CRTC3: variants seen among roughly 807,000 people sequenced by gnomAD.
CRTC3 encodes the protein CREB-regulated transcription coactivator 3.
Under a neutral mutation model 74.5 loss-of-function variants are expected in CRTC3, and 26 were observed. The ratio of observed to expected loss-of-function variants is 0.35; its 90% CI spans 0.26 to 0.48. The LOEUF is 0.48. Ranked by LOEUF, CRTC3 falls within the 20% of genes least tolerant of loss-of-function variation. The pLI is 0.99. For synonymous variants in CRTC3, 377 were observed against 325.8 expected (o/e 1.16, Z -1.69); for missense variants, 760 against 787.3 (o/e 0.97, Z 0.41).
Position 90,643,879 on chromosome 15 carries a change from G to C in CRTC3, c.*1739G>C, listed in dbSNP as rs1252463386. 4.3e-6 allele frequency: 1 copy of C among 232,564 alleles called. No homozygotes were observed. Among genetic ancestry groups the C allele is most frequent in the Non-Finnish European group, 8.5e-6 (1 of 117,736 alleles). The allele number at this position is 232,564 out of a possible 1,614,324, so 14.4% of individuals were successfully genotyped here. On this transcript the variant is annotated 3_prime_UTR_variant, in exon 15 of 15. Transcript: ENST00000268184. ...GGTTGCTGGACTGTTCCACCCAGAG[G>C]AGCAAGGCTGTACAATGAGGGTCTG...
At position 90,579,634 on chromosome 15, in the gene CRTC3, CTTTTTT is replaced by C. The variant is rs146273285; in HGVS notation, c.232-13982_232-13977del. On this transcript the variant is annotated intron_variant, in intron 2 of 14. Transcript: ENST00000268184. ...GATTACATGGAGTAAACGTATTTCACTTTTTTTTTTTTTTTTTTTTTTTTTGAGACA... is the reference window on the plus strand; with the variant it reads ...GATTACATGGAGTAAACGTATTTCACTTTTTTTTTTTTTTTTTTTGAGACA... Among the ~76,000 whole-genome samples, 358 of 84,208 alleles carry C rather than the reference CTTTTTT, an allele frequency of 4.3e-3. 3 individuals carry two copies. In the East Asian group the frequency reaches 0.059, roughly 14 times the overall value. The allele number at this position is 84,208 out of a possible 152,430, so 55.2% of individuals were successfully genotyped here.
chr15:90,558,221 G>C lies in CRTC3; in HGVS notation c.231+18084G>C, dbSNP rs185014007. 3.3e-5 allele frequency among the ~76,000 whole-genome samples: 5 copies of C among 152,160 alleles called. No homozygotes were observed. In the East Asian group the frequency reaches 9.7e-4, roughly 29 times the overall value. On this transcript the variant is annotated intron_variant, in intron 2 of 14. Transcript: ENST00000268184. ...AATGTATCTAGAATCTGACTACCCT[G>C]GTCGGACCCGTTATCATTTTGTCCC... is the stretch of plus-strand genomic sequence containing the variant.
intron 2 of CRTC3, among the ~76,000 whole-genome samples, chr15:90,579,453 C>T (rs938977622): frequency 5.3e-5 from 8 of 151,984 alleles, no homozygotes; most frequent in African/African-American, 1.9e-4. Flanking sequence ...ACCGAGTGGG[C>T]TCTAAGGCTG....
At position 90,642,324 on chromosome 15, in the gene CRTC3, T is replaced by G. The variant is rs1224720444; in HGVS notation, c.*184T>G. On this transcript the variant is annotated 3_prime_UTR_variant, in exon 15 of 15. Coordinates refer to ENST00000268184, the MANE Select transcript of CRTC3 (RefSeq NM_022769.5). ...TGGCTTCCTCCAGATCACACAGCTT[T>G]GTACTGCCTCTCCCGCCTGTGGCCA... is the stretch of plus-strand genomic sequence containing the variant. 40 of 602,194 alleles carry G rather than the reference T, an allele frequency of 6.6e-5. No individual in the cohort carries two copies. In the East Asian group the frequency reaches 1.1e-3, roughly 16 times the overall value. 37.3% of individuals were successfully genotyped at this position (602,194 alleles called of 1,614,324 possible). A position where few individuals can be genotyped will look rare whatever the true frequency, so the allele number is the denominator to read the frequency against.
intron 5 of CRTC3, among the ~76,000 whole-genome samples, chr15:90,607,040 T>G (rs1206113903): frequency 7.5e-5 from 1 of 13,296 alleles, no homozygotes; most frequent in African/African-American, 2.4e-4. Flanking sequence ...AGCCACAGGC[T>G]AAACTGGCCA....
In CRTC3 at chr15:90,638,601, A is replaced by G. The variant is rs548542658; in HGVS notation, c.1422A>G (p.Ala474=). 1.2e-6 allele frequency: 2 copies of G among 1,613,248 alleles called. No individual in the cohort carries two copies. The highest frequency in any genetic ancestry group is 8.5e-7 in the Non-Finnish European group (1 of 1,180,006). ...APEAPAQQPQ[A]ASSLPQSDFQ... ...AGGCCCCTGCCCAGCAGCCCCAGGC[A>G]GCCTCCTCACTGCCACAGTCAGACT... The change falls in exon 12 of 15, where the codon GCA becomes GCG. Residue 474 remains alanine, a synonymous_variant. Transcript: ENST00000268184.
intron 2 of CRTC3, among the ~76,000 whole-genome samples, chr15:90,574,475 T>TCAAAACAAAACAAAA (rs199729294): frequency 1.3e-5 from 2 of 152,082 alleles, no homozygotes; most frequent in East Asian, 3.9e-4. Flanking sequence ...AGACTCTGTC[T>TCAAAACAAAACAAAA]CAAAACAAAA....
chr15:90,586,555 G>A (rs184791718), intron 2 of CRTC3, among the ~76,000 whole-genome samples: 32 of 151,748 alleles, frequency 2.1e-4, no homozygotes, highest in Admixed American at 1.4e-3. Flanking sequence ...TAGTAGAGAC[G>A]GGGTTTCTGT....
rs1175467073 is a variant in CRTC3, at chr15:90,630,756, A to ATTTTTTTTTTTTTTTTTTTTTTTT, written c.1266+1233_1266+1256dup. 8.5e-5 allele frequency among the ~76,000 whole-genome samples: 2 copies of ATTTTTTTTTTTTTTTTTTTTTTTT among 23,654 alleles called. 1 individual carries two copies. The highest frequency in any genetic ancestry group is 7.3e-4 in the Admixed American group (2 of 2,754). 15.5% of individuals were successfully genotyped at this position (23,654 alleles called of 152,430 possible). ...CACATCCTCTGTCTATTACAGCATC[A>ATTTTTTTTTTTTTTTTTTTTTTTT]TTTTTTTTTTTTTTTTTTTTTTTTT... On this transcript the variant is annotated intron_variant, in intron 11 of 14. Coordinates refer to ENST00000268184, the MANE Select transcript of CRTC3 (RefSeq NM_022769.5).
intron 2 of CRTC3, among the ~76,000 whole-genome samples, chr15:90,548,099 G>C (rs1371973384): frequency 1.3e-5 from 2 of 151,926 alleles, no homozygotes; most frequent in Non-Finnish European, 2.9e-5. Flanking sequence ...ATGTTGCCCA[G>C]GCTGGTCTCG....
At chr15:90,563,293 C>G (rs944270280) in intron 2 of CRTC3, among the ~76,000 whole-genome samples, 20 of 152,010 alleles carry the variant, frequency 1.3e-4, no homozygotes, top group Non-Finnish European at 1.6e-4. Context: ...GTAATCCCAG[C>G]TACTCGGGAG....
chr15:90,587,959 A>G (rs1967705928), intron 2 of CRTC3, among the ~76,000 whole-genome samples: 2 of 151,142 alleles, frequency 1.3e-5, no homozygotes, highest in Admixed American at 6.6e-5. Context: ...GTTCTTCAAG[A>G]AAATGGGGCC....
intron 2 of CRTC3, among the ~76,000 whole-genome samples, chr15:90,542,381 G>A (rs1466842431): frequency 1.3e-5 from 2 of 151,166 alleles, no homozygotes; most frequent in Non-Finnish European, 2.9e-5. Context: ...GTCTCACCAT[G>A]TTGGCCAGGC....
chr15:90,577,817 A>C (rs1967442058), intron 2 of CRTC3, among the ~76,000 whole-genome samples: 1 of 152,240 alleles, frequency 6.6e-6, no homozygotes, highest in Non-Finnish European at 1.5e-5. Context: ...GGAGCTAAAA[A>C]AGTAGATACC....
chr15:90,604,424 C>G lies in CRTC3; in HGVS notation c.453C>G (p.Phe151Leu), dbSNP rs1354309855. The G allele has an allele frequency of 1.2e-6, 2 of 1,613,786 alleles. No homozygotes were observed. Among genetic ancestry groups the G allele is most frequent in the Admixed American group, 3.3e-5 (2 of 59,998 alleles). The change falls in exon 5 of 15, where the codon TTC becomes TTG. Residue 151 changes from phenylalanine to leucine, a missense_variant. By Grantham distance (22) the Phe-to-Leu change is conservative. Around this residue, in one of 2 missense-constraint regions of CRTC3, gnomAD observed 652 missense variants for 635.2 expected, o/e 1.03. Coordinates refer to ENST00000268184, the MANE Select transcript of CRTC3 (RefSeq NM_022769.5). ...PPWKDEKHPGFRLTSALNRTN... is the reference protein window; with the variant it reads ...PPWKDEKHPGLRLTSALNRTN... ...GGAAAGACGAAAAGCATCCTGGGTT[C>G]AGGCTGACATCTGCACTTAACAGGT...
chr15:90,533,088 A>T (rs1966656747), intron 1 of CRTC3, among the ~76,000 whole-genome samples: 1 of 15,032 alleles, frequency 6.7e-5, no homozygotes, highest in Non-Finnish European at 1.8e-4. Context: ...TCATCTCAAA[A>T]AAAAAAAAAA....
At chr15:90,596,611 C>T (rs1967933317) in intron 3 of CRTC3, among the ~76,000 whole-genome samples, 1 of 152,016 alleles carries the variant, frequency 6.6e-6, no homozygotes, top group Admixed American at 6.6e-5. Context: ...TTCTTTAGCC[C>T]AGTCTCTTTT....
rs1969561439 is a variant in CRTC3 at position 90,644,558 on chromosome 15, G to A, written c.*2418G>A. ...TGACTTGTGAAAACAGACCTCCGGG[G>A]AAGTGATTTATTGGGGGTGTACACT... On this transcript the variant is annotated 3_prime_UTR_variant, in exon 15 of 15. Coordinates refer to ENST00000268184, the MANE Select transcript of CRTC3 (RefSeq NM_022769.5). 2 of 233,002 alleles carry A rather than the reference G, an allele frequency of 8.6e-6. No individual in the cohort carries two copies. Among genetic ancestry groups the A allele is most frequent in the Non-Finnish European group, 8.5e-6 (1 of 117,980 alleles). 14.4% of individuals were successfully genotyped at this position (233,002 alleles called of 1,614,324 possible). A position where few individuals can be genotyped will look rare whatever the true frequency, so the allele number is the denominator to read the frequency against.
intron 9 of CRTC3, among the ~76,000 whole-genome samples, chr15:90,620,651 CCCCAA>C (rs1248722606): frequency 3.3e-5 from 5 of 152,000 alleles, no homozygotes; most frequent in Admixed American, 3.3e-4. Flanking sequence ...CCTGAGAGAG[CCCCAA>C]GGAGGCTTCC....
Sources: gnomAD v4.1 joint callset for allele counts (sites outside exome capture counted in the v4.1 genomes callset) on GRCh38, gnomAD v4.1.1 for gene constraint, gnomAD v4.1.1 regional missense constraint, MANE v1.5 for transcripts, NCBI Gene and HGNC (gene_info 2026-07-23, HGNC 2026-07-21) for gene names.